Variants in MAN1A1 observed in about 807,000 individuals in gnomAD.
MAN1A1 encodes the protein mannosidase alpha class 1A member 1, also known as mannosyl-oligosaccharide 1,2-alpha-mannosidase IA.
MAN1A1 carries 29 observed loss-of-function variants against 70.8 expected under a neutral mutation model. The ratio of observed to expected loss-of-function variants is 0.41; its 90% CI spans 0.31 to 0.56. The LOEUF (loss-of-function observed/expected upper bound fraction) is 0.56. Ranked by LOEUF, MAN1A1 falls within the 20% of genes least tolerant of loss-of-function variation. MAN1A1 has a pLI of 0.29. For synonymous variants in MAN1A1, 349 were observed against 330.1 expected (o/e 1.06, Z -0.62); for missense variants, 747 against 841.3 (o/e 0.89, Z 1.39).
chr6:119,263,757 A>G (rs1288054396), intron 5 of MAN1A1, among the ~76,000 whole-genome samples: 1 of 152,136 alleles, frequency 6.6e-6, no homozygotes, highest in Non-Finnish European at 1.5e-5. Flanking sequence ...AAAAAAAAGA[A>G]TCTTTATTAT....
chr6:119,248,413 A>T (rs1775225274), intron 5 of MAN1A1, 59 bp from the exon 6 acceptor site: 1 of 862,534 alleles, frequency 1.2e-6, no homozygotes. Flanking sequence ...GATGAACTAT[A>T]CTATTATCTA....
chr6:119,285,095 G>C (rs981534582), intron 5 of MAN1A1, among the ~76,000 whole-genome samples: 9 of 151,952 alleles, frequency 5.9e-5, no homozygotes, highest in South Asian at 2.1e-4. Flanking sequence ...CATGGCCAGA[G>C]GGGGAGCAGG....
At chr6:119,248,542 C>T (rs1298442681) in intron 5 of MAN1A1, among the ~76,000 whole-genome samples, 188 bp from the exon 6 acceptor site, 4 of 152,202 alleles carry the variant, frequency 2.6e-5, no homozygotes, top group Non-Finnish European at 5.9e-5. Flanking sequence ...GGCCATCATA[C>T]TGGGGGATAT....
chr6:119,297,343 T>C (rs1003938434), intron 4 of MAN1A1, among the ~76,000 whole-genome samples: 1 of 152,188 alleles, frequency 6.6e-6, no homozygotes, highest in Non-Finnish European at 1.5e-5. Context: ...TGTCAGGAAG[T>C]AGGATAAGAT....
At chr6:119,256,382 T>C (rs17442343) in intron 5 of MAN1A1, among the ~76,000 whole-genome samples, 4,229 of 151,588 alleles carry the variant, frequency 0.028, 92 homozygotes, top group Non-Finnish European at 0.045. Context: ...GAGTAAATGT[T>C]GATAAATGAA....
intron 6 of MAN1A1, among the ~76,000 whole-genome samples, chr6:119,220,112 T>G (rs1210725144): frequency 6.6e-6 from 1 of 152,166 alleles, no homozygotes; most frequent in Non-Finnish European, 1.5e-5. Flanking sequence ...ATCTTCATTT[T>G]AGAATGATTT....
At chr6:119,224,597 T>C (rs565948717) in intron 6 of MAN1A1, among the ~76,000 whole-genome samples, 3 of 152,264 alleles carry the variant, frequency 2.0e-5, no homozygotes, top group African/African-American at 7.2e-5. Context: ...AAAAGCTACT[T>C]AACATATCTA....
intron 5 of MAN1A1, among the ~76,000 whole-genome samples, chr6:119,268,232 T>A (rs1274610682): frequency 6.6e-6 from 1 of 152,208 alleles, no homozygotes; most frequent in Non-Finnish European, 1.5e-5. Context: ...ATATAGTTCA[T>A]ACAGGAGGGG....
In MAN1A1 at chr6:119,196,386, C is replaced by T. The variant is rs116689984; in HGVS notation, c.1211-2494G>A. Reference sequence around the variant, plus strand: ...GAAACAGGTCTTCTCATTAATTTAGCATGTCACTCACTAAGCTTCCTTCAG... The same window carrying T: ...GAAACAGGTCTTCTCATTAATTTAGTATGTCACTCACTAAGCTTCCTTCAG... On this transcript the variant is annotated intron_variant, in intron 8 of 12. Coordinates refer to ENST00000368468, the MANE Select transcript of MAN1A1 (RefSeq NM_005907.4). Among the ~76,000 whole-genome samples the T allele has an allele frequency of 2.8e-3, 424 of 151,346 alleles. 4 individuals carry two copies. Among genetic ancestry groups the T allele is most frequent in the African/African-American group, 9.5e-3 (391 of 41,304 alleles).
chr6:119,266,805 C>A (rs1359413511), intron 5 of MAN1A1, among the ~76,000 whole-genome samples: 2 of 152,012 alleles, frequency 1.3e-5, no homozygotes, highest in Non-Finnish European at 1.5e-5. Context: ...AGAAGACAAG[C>A]CAAGGCCTAA....
intron 2 of MAN1A1, among the ~76,000 whole-genome samples, chr6:119,310,388 C>T (rs1772668831): frequency 6.6e-6 from 1 of 152,294 alleles, no homozygotes; most frequent in African/African-American, 2.4e-5. Flanking sequence ...TTCACTGAAG[C>T]CTACAAGTTC....
chr6:119,265,392 C>G (rs1357062475), intron 5 of MAN1A1, among the ~76,000 whole-genome samples: 1 of 152,070 alleles, frequency 6.6e-6, no homozygotes, highest in African/African-American at 2.4e-5. Context: ...AGCCACTGAG[C>G]CTGGCCTCAT....
At chr6:119,248,548 G>T (rs1455086714) in intron 5 of MAN1A1, among the ~76,000 whole-genome samples, 194 bp from the exon 6 acceptor site, 1 of 152,214 alleles carries the variant, frequency 6.6e-6, no homozygotes, top group Non-Finnish European at 1.5e-5. Flanking sequence ...CATACTGGGG[G>T]ATATTTATTC....
chr6:119,324,119 A>T (rs1469537947), intron 2 of MAN1A1, among the ~76,000 whole-genome samples: 1 of 152,170 alleles, frequency 6.6e-6, no homozygotes, highest in African/African-American at 2.4e-5. Context: ...GAGTCTGTTT[A>T]TACTTGGATT....
intron 6 of MAN1A1, among the ~76,000 whole-genome samples, chr6:119,215,575 A>T (rs1198712797): frequency 6.6e-6 from 1 of 152,210 alleles, no homozygotes; most frequent in African/African-American, 2.4e-5. Flanking sequence ...GAAATAAAGC[A>T]ATGAGCCAGT....
At chr6:119,307,096 A>G in intron 2 of MAN1A1, 104 bp from the exon 3 acceptor site, 1 of 719,340 alleles carries the variant, frequency 1.4e-6, no homozygotes. Flanking sequence ...AAAATTCATT[A>G]GTTAAAAGGA....
intron 5 of MAN1A1, among the ~76,000 whole-genome samples, chr6:119,278,943 T>C (rs1776153664): frequency 6.6e-6 from 1 of 152,122 alleles, no homozygotes; most frequent in Non-Finnish European, 1.5e-5. Flanking sequence ...TTATACAGAC[T>C]GCAGAACCGT....
chr6:119,262,392 T>C (rs1056735333), intron 5 of MAN1A1, among the ~76,000 whole-genome samples: 1 of 151,970 alleles, frequency 6.6e-6, no homozygotes, highest in Non-Finnish European at 1.5e-5. Flanking sequence ...TCAACATGGA[T>C]CTTTAAGGAA....
At chr6:119,268,803 T>G (rs1775830872) in intron 5 of MAN1A1, among the ~76,000 whole-genome samples, 1 of 152,024 alleles carries the variant, frequency 6.6e-6, no homozygotes, top group Non-Finnish European at 1.5e-5. Context: ...CCCAGGATGG[T>G]CTCAAATTCC....
Sources: allele counts gnomAD v4.1 joint callset (sites outside exome capture counted in the v4.1 genomes callset), GRCh38; gene constraint gnomAD v4.1.1; transcripts MANE v1.5; gene names NCBI Gene and HGNC (gene_info 2026-07-23, HGNC 2026-07-21).